GPC6: variants seen among roughly 807,000 people sequenced by gnomAD.
GPC6 encodes glypican 6.
In GPC6, 14 loss-of-function variants were observed where a neutral mutation model predicts 55.2. That is an observed-to-expected ratio of 0.25 (90% CI 0.17 to 0.40). The LOEUF (loss-of-function observed/expected upper bound fraction) is 0.40. Among genes scored for constraint, GPC6 ranks in the 10% least tolerant of loss-of-function variants. The probability of loss-of-function intolerance (pLI) is 1.00; values close to 1 mark genes in which losing one functional copy is unlikely to be tolerated. For synonymous variants in GPC6, 278 were observed against 259.6 expected (o/e 1.07, Z -0.68); for missense variants, 641 against 708.5 (o/e 0.90, Z 1.08).
intron 2 of GPC6, among the ~76,000 whole-genome samples, chr13:93,798,217 A>AAAGAGAAC (rs1886262195): frequency 6.6e-6 from 1 of 152,140 alleles, no homozygotes; most frequent in Non-Finnish European, 1.5e-5. Flanking sequence ...AAGGTGTGAA[A>AAAGAGAAC]AAGAGAAACT....
At chr13:93,434,204 G>A (rs1877479109) in intron 1 of GPC6, among the ~76,000 whole-genome samples, 1 of 152,150 alleles carries the variant, frequency 6.6e-6, no homozygotes, top group Non-Finnish European at 1.5e-5. Context: ...ATGGCCCACA[G>A]ACATAATGGC....
intron 4 of GPC6, among the ~76,000 whole-genome samples, chr13:94,131,984 C>T (rs771864670): frequency 2.6e-5 from 4 of 152,168 alleles, no homozygotes; most frequent in Non-Finnish European, 4.4e-5. Context: ...TGACAGATTT[C>T]TCAGACACTT....
chr13:94,292,608 T>C (rs989458276), intron 5 of GPC6, among the ~76,000 whole-genome samples: 3 of 152,212 alleles, frequency 2.0e-5, no homozygotes, highest in African/African-American at 7.2e-5. Flanking sequence ...GTATCTTTTT[T>C]CTCTCTTATG....
At chr13:94,364,031 T>C (rs1406759970) in intron 6 of GPC6, among the ~76,000 whole-genome samples, 3 of 152,262 alleles carry the variant, frequency 2.0e-5, no homozygotes, top group Non-Finnish European at 4.4e-5. Context: ...TCAACTTACT[T>C]TTTTTAAAAT....
At chr13:93,897,734 C>G (rs145024220) in intron 3 of GPC6, among the ~76,000 whole-genome samples, 2 of 152,198 alleles carry the variant, frequency 1.3e-5, no homozygotes, top group South Asian at 2.1e-4. Flanking sequence ...CTGTCCCCCC[C>G]ATCTGTTAAA....
intron 2 of GPC6, among the ~76,000 whole-genome samples, chr13:93,684,595 G>A (rs1397858306): frequency 1.3e-5 from 2 of 152,154 alleles, no homozygotes; most frequent in Non-Finnish European, 2.9e-5. Context: ...GAGCAGAAAA[G>A]CAAAGGACTG....
chr13:93,881,161 G>A (rs1874950368), intron 3 of GPC6, among the ~76,000 whole-genome samples: 1 of 152,118 alleles, frequency 6.6e-6, no homozygotes, highest in Non-Finnish European at 1.5e-5. Flanking sequence ...TAGAATGTGA[G>A]TAGAGCTGGT....
At chr13:93,711,778 A>G (rs1296581687) in intron 2 of GPC6, among the ~76,000 whole-genome samples, 1 of 151,682 alleles carries the variant, frequency 6.6e-6, no homozygotes, top group African/African-American at 2.4e-5. Flanking sequence ...ATCTTCCTTT[A>G]TTCACCCAAG....
chr13:93,309,589 A>G (rs112045741), intron 1 of GPC6, among the ~76,000 whole-genome samples: 17 of 152,334 alleles, frequency 1.1e-4, no homozygotes, highest in African/African-American at 3.8e-4. Flanking sequence ...TTTAAAGTAT[A>G]TACACTTTAG....
chr13:93,290,776 TTATCTC>T (rs1878293432), intron 1 of GPC6, among the ~76,000 whole-genome samples: 2 of 152,144 alleles, frequency 1.3e-5, no homozygotes, highest in African/African-American at 4.8e-5. Flanking sequence ...CATGATAACT[TTATCTC>T]TATACATGAT....
chr13:93,308,039 C>T (rs1328922884), intron 1 of GPC6, among the ~76,000 whole-genome samples: 1 of 152,122 alleles, frequency 6.6e-6, no homozygotes, highest in Admixed American at 6.5e-5. Context: ...AATCCCAGCA[C>T]TTTGGGAGGC....
intron 1 of GPC6, among the ~76,000 whole-genome samples, chr13:93,296,109 G>A (rs1193536667): frequency 6.6e-6 from 1 of 152,092 alleles, no homozygotes; most frequent in Non-Finnish European, 1.5e-5. Context: ...AGTTTTGTGG[G>A]GAAGGAAATA....
At chr13:94,236,952 G>C (rs1293668963) in intron 4 of GPC6, among the ~76,000 whole-genome samples, 9 of 150,726 alleles carry the variant, frequency 6.0e-5, no homozygotes, top group Non-Finnish European at 1.2e-4. Flanking sequence ...AAAAACTAGT[G>C]AAAAATGAAA....
intron 4 of GPC6, among the ~76,000 whole-genome samples, chr13:94,206,447 A>G (rs555346641): frequency 1.3e-4 from 20 of 152,244 alleles, no homozygotes; most frequent in African/African-American, 4.8e-4. Context: ...TAAGATTAGC[A>G]TATTACTTAT....
rs189514063 is a variant in GPC6, at chr13:94,109,365, A to T, written c.877+81471A>T. On this transcript the variant is annotated intron_variant, in intron 4 of 8. Coordinates refer to ENST00000377047, the MANE Select transcript of GPC6 (RefSeq NM_005708.5). ...ATTATTATCATGGAGACTAATCATA[A>T]ACTGATTTATGGTTTCAATCAGTTT... Among the ~76,000 whole-genome samples, 3 of 152,250 alleles carry T rather than the reference A, an allele frequency of 2.0e-5. No homozygotes were observed. The East Asian group carries it at 5.8e-4, about 29-fold the overall frequency.
chr13:94,041,721 G>A (rs1883542070), intron 4 of GPC6, among the ~76,000 whole-genome samples: 1 of 151,812 alleles, frequency 6.6e-6, no homozygotes, highest in Admixed American at 6.6e-5. Context: ...TAGTATATAT[G>A]CATTAAACTT....
At chr13:93,518,039 G>C (rs1472879213) in intron 1 of GPC6, among the ~76,000 whole-genome samples, 1 of 151,914 alleles carries the variant, frequency 6.6e-6, no homozygotes, top group African/African-American at 2.4e-5. Flanking sequence ...CATCCAGGTA[G>C]TAGCTTCTTG....
intron 2 of GPC6, among the ~76,000 whole-genome samples, chr13:93,550,108 G>C (rs1042863889): frequency 6.6e-6 from 1 of 151,988 alleles, no homozygotes; most frequent in Non-Finnish European, 1.5e-5. Context: ...AAGAGGAATG[G>C]GTGTTTTTTG....
At position 94,027,272 on chromosome 13, in the gene GPC6, A is replaced by G. The variant is rs111278397; in HGVS notation, c.712-457A>G. ...GCTTCTAAGCAGGCCTGGATCTTAG[A>G]GATCTCAGACAAGTTGATATTGATC... On this transcript the variant is annotated intron_variant, in intron 3 of 8. Coordinates refer to ENST00000377047, the MANE Select transcript of GPC6 (RefSeq NM_005708.5). 5.0e-3 allele frequency among the ~76,000 whole-genome samples: 764 copies of G among 152,306 alleles called. 7 individuals carry two copies. Among genetic ancestry groups the G allele is most frequent in the African/African-American group, 0.018 (734 of 41,562 alleles).
Sources: allele counts gnomAD v4.1 joint callset (sites outside exome capture counted in the v4.1 genomes callset), GRCh38; gene constraint gnomAD v4.1.1; transcripts MANE v1.5; gene names NCBI Gene and HGNC (gene_info 2026-07-23, HGNC 2026-07-21).